DMXL2: variants seen among roughly 807,000 people sequenced by gnomAD.
The protein encoded by DMXL2 is dmX-like protein 2.
DMXL2 carries 103 observed loss-of-function variants against 331.1 expected under a neutral mutation model. The observed-to-expected ratio is 0.31, with a 90% CI of 0.27 to 0.37. The LOEUF (loss-of-function observed/expected upper bound fraction) is 0.37. DMXL2 is among the 10% of genes least tolerant of loss of function. The pLI is 1.00. For missense variants in DMXL2, 3,171 were observed against 3,642.9 expected, an observed-to-expected ratio of 0.87 and a Z score of 3.33; for synonymous variants, 1,281 against 1,252.1, an observed-to-expected ratio of 1.02 and a Z score of -0.49.
intron 13 of DMXL2, among the ~76,000 whole-genome samples, chr15:51,529,493 G>T (rs2047879289): frequency 6.6e-6 from 1 of 152,028 alleles, no homozygotes; most frequent in African/African-American, 2.4e-5. Context: ...CCAATAAATT[G>T]CAAAATCTAC....
chr15:51,563,462 G>A lies in DMXL2; in HGVS notation c.501-15C>T, dbSNP rs1354602096. On this transcript the variant is annotated splice_polypyrimidine_tract_variant and intron_variant, in intron 5 of 43. Coordinates refer to ENST00000560891, the MANE Select transcript of DMXL2 (RefSeq NM_001378457.1). ...ATACTGAGGTTCTAAAAAAGAGAGA[G>A]TTAGGCAATTAGCCCTTTTAAAATC... The A allele has an allele frequency of 6.3e-7, 1 of 1,584,570 alleles. No individual in the cohort carries two copies. Among genetic ancestry groups the A allele is most frequent in the East Asian group, 2.3e-5 (1 of 43,950 alleles).
At chr15:51,478,498 A>G (rs2041761543) in intron 25 of DMXL2, 151 bp from the exon 26 acceptor site, 2 of 647,314 alleles carry the variant, frequency 3.1e-6, no homozygotes, top group Admixed American at 2.9e-5. Flanking sequence ...TAAATCTTCT[A>G]AAGTAACTGT....
At chr15:51,482,596 C>T (rs2042095264) in intron 23 of DMXL2, among the ~76,000 whole-genome samples, 1 of 152,104 alleles carries the variant, frequency 6.6e-6, no homozygotes, top group African/African-American at 2.4e-5. Flanking sequence ...ATATTATTCC[C>T]CACTAAAAGG....
At chr15:51,573,760 T>C (rs2050827540) in intron 2 of DMXL2, among the ~76,000 whole-genome samples, 1 of 151,984 alleles carries the variant, frequency 6.6e-6, no homozygotes, top group Admixed American at 6.6e-5. Context: ...GGTTGATGGG[T>C]GCAGCAAACC....
At chr15:51,506,941 A>G (rs2046440470) in intron 16 of DMXL2, among the ~76,000 whole-genome samples, 193 bp downstream of exon 16, 1 of 152,218 alleles carries the variant, frequency 6.6e-6, no homozygotes, top group Non-Finnish European at 1.5e-5. Context: ...ATGTGCCCTT[A>G]GGCTGGTTTT....
chr15:51,619,365 C>T (rs2054486552), intron 1 of DMXL2, among the ~76,000 whole-genome samples: 2 of 152,208 alleles, frequency 1.3e-5, no homozygotes, highest in South Asian at 4.1e-4. Context: ...TCTACAGCTA[C>T]ATTTACGAAA....
chr15:51,615,571 A>C (rs2054238248), intron 1 of DMXL2, among the ~76,000 whole-genome samples: 1 of 152,198 alleles, frequency 6.6e-6, no homozygotes, highest in South Asian at 2.1e-4. Context: ...ATGTCTCCAG[A>C]CACTGCCAAA....
At chr15:51,549,193 G>C (rs1363581763) in intron 6 of DMXL2, among the ~76,000 whole-genome samples, 2 of 152,022 alleles carry the variant, frequency 1.3e-5, no homozygotes, top group Non-Finnish European at 2.9e-5. Flanking sequence ...TCCCACTTAT[G>C]AGTGAGAACA....
At chr15:51,620,672 C>T (rs2054568378) in intron 1 of DMXL2, among the ~76,000 whole-genome samples, 1 of 151,962 alleles carries the variant, frequency 6.6e-6, no homozygotes, top group Admixed American at 6.5e-5. Flanking sequence ...ATATTAATAC[C>T]AATAAGATTG....
chr15:51,500,486 T>G (rs2043511295), intron 17 of DMXL2, among the ~76,000 whole-genome samples: 1 of 152,212 alleles, frequency 6.6e-6, no homozygotes, highest in Non-Finnish European at 1.5e-5. Flanking sequence ...GTAATTAAGT[T>G]TAAATGAGGC....
intron 36 of DMXL2, 62 bp downstream of exon 36, chr15:51,458,444 C>CATA: frequency 6.5e-7 from 1 of 1,543,802 alleles, no homozygotes; most frequent in East Asian, 2.3e-5. Context: ...AAATCATGTG[C>CATA]ATAACCATTT....
At chr15:51,580,436 G>A (rs1307609384) in intron 1 of DMXL2, among the ~76,000 whole-genome samples, 1 of 152,160 alleles carries the variant, frequency 6.6e-6, no homozygotes, top group Non-Finnish European at 1.5e-5. Context: ...GATTATTATA[G>A]GGAGGCAAGG....
intron 18 of DMXL2, among the ~76,000 whole-genome samples, chr15:51,495,551 G>A (rs1466219910): frequency 6.6e-6 from 1 of 152,026 alleles, no homozygotes; most frequent in Non-Finnish European, 1.5e-5. Context: ...TATTTAAGCA[G>A]GTAGTATTTT....
At chr15:51,522,527 C>T (rs2047435928) in intron 13 of DMXL2, among the ~76,000 whole-genome samples, 1 of 152,158 alleles carries the variant, frequency 6.6e-6, no homozygotes, top group South Asian at 2.1e-4. Context: ...GCCTGTAGTC[C>T]CAGCTACTCA....
In DMXL2 at chr15:51,486,337, C is replaced by T. The variant is rs774270282; in HGVS notation, c.5218G>A (p.Val1740Ile). The T allele has an allele frequency of 5.1e-6, 8 of 1,574,052 alleles. No homozygotes were observed. In the South Asian group the frequency reaches 7.9e-5, roughly 16 times the overall value. ...ATATCTTCCATTTTTTCAAGACATA[C>T]CTGCAAATTTAAATATTAATACTTA... is the stretch of plus-strand genomic sequence containing the variant. ...LAGSLKDAIE[V>I]CLEKMEDIQL... Residue 1740 changes from valine (V) to isoleucine (I), a missense_variant and splice_region_variant, in exon 23 of 44, where the codon GTA becomes ATA. By Grantham distance (29) the Val-to-Ile change is conservative. Coordinates refer to ENST00000560891, the MANE Select transcript of DMXL2 (RefSeq NM_001378457.1).
intron 14 of DMXL2, among the ~76,000 whole-genome samples, chr15:51,516,068 G>A (rs1463921141): frequency 6.6e-6 from 1 of 152,138 alleles, no homozygotes; most frequent in East Asian, 1.9e-4. Context: ...CCAATAGAAA[G>A]TGCAAGACAC....
At chr15:51,539,451 A>C (rs1283191822) in intron 9 of DMXL2, among the ~76,000 whole-genome samples, 3 of 152,212 alleles carry the variant, frequency 2.0e-5, no homozygotes, top group African/African-American at 7.2e-5. Context: ...GCAAAATTCT[A>C]AGTATAAGAT....
intron 22 of DMXL2, among the ~76,000 whole-genome samples, chr15:51,487,381 A>T (rs1279274861): frequency 1.3e-5 from 2 of 152,236 alleles, no homozygotes; most frequent in East Asian, 3.9e-4. Flanking sequence ...GGAAGAAGAC[A>T]TTCATAAACT....
At chr15:51,455,256 CAT>C (rs754912376) in intron 39 of DMXL2, 28 bp from the exon 40 acceptor site, 9 of 1,577,024 alleles carry the variant, frequency 5.7e-6, no homozygotes, top group South Asian at 1.1e-5. Context: ...CTACTAAACA[CAT>C]GTTCTTAGCA....
Sources: gnomAD v4.1 joint callset for allele counts (sites outside exome capture counted in the v4.1 genomes callset) on GRCh38, gnomAD v4.1.1 for gene constraint, MANE v1.5 for transcripts, NCBI Gene and HGNC (gene_info 2026-07-23, HGNC 2026-07-21) for gene names.